The following CHODL variants were observed in gnomAD, a reference collection of about 807,000 sequenced individuals.
CHODL encodes chondrolectin, also known as transmembrane protein MT75.
CHODL carries 29 observed loss-of-function variants against 34.5 expected under a neutral mutation model. The observed-to-expected ratio is 0.84, with a 90% CI of 0.63 to 1.15. CHODL has a LOEUF of 1.15. Ranked by LOEUF, CHODL falls within the 50% of genes most tolerant of loss-of-function variation. The pLI is 0.00. For synonymous variants in CHODL, 125 were observed against 116.1 expected, an observed-to-expected ratio of 1.08 and a Z score of -0.49; for missense variants, 332 against 332.5, an observed-to-expected ratio of 1.00 and a Z score of 0.01.
At chr21:18,259,123 T>C (rs1400043882) in intron 3 of CHODL, among the ~76,000 whole-genome samples, 10 of 152,262 alleles carry the variant, frequency 6.6e-5, no homozygotes, top group Non-Finnish European at 1.2e-4. Flanking sequence ...AATGTAAGAA[T>C]GGTAAACATT....
intron 2 of CHODL, among the ~76,000 whole-genome samples, chr21:18,127,274 G>T (rs2065558252): frequency 6.6e-6 from 1 of 152,078 alleles, no homozygotes; most frequent in Non-Finnish European, 1.5e-5. Context: ...GAATTGTGTG[G>T]CTTTTAATCA....
intron 2 of CHODL, among the ~76,000 whole-genome samples, chr21:18,091,430 A>T: frequency 6.6e-6 from 1 of 152,202 alleles, no homozygotes; most frequent in East Asian, 1.9e-4. Flanking sequence ...CAGGCAGTAC[A>T]GCTTATAGCA....
At chr21:18,195,554 T>C (rs1316906993) in intron 2 of CHODL, among the ~76,000 whole-genome samples, 1 of 152,192 alleles carries the variant, frequency 6.6e-6, no homozygotes, top group Non-Finnish European at 1.5e-5. Flanking sequence ...ATTGGGATCA[T>C]GTGGTATTTG....
chr21:18,114,089 C>A (rs1388008627), intron 2 of CHODL, among the ~76,000 whole-genome samples: 1 of 152,022 alleles, frequency 6.6e-6, no homozygotes, highest in East Asian at 1.9e-4. Flanking sequence ...ATCTAAAAAT[C>A]AAAGGAATTT....
chr21:18,223,811 A>G, intron 2 of CHODL, among the ~76,000 whole-genome samples: 1 of 152,168 alleles, frequency 6.6e-6, no homozygotes, highest in East Asian at 1.9e-4. Flanking sequence ...ACTCGAACCA[A>G]CGTTGACTAA....
Position 18,257,826 on chromosome 21 carries a change from T to C in CHODL, c.547+699T>C, listed in dbSNP as rs544823824. Among the ~76,000 whole-genome samples the C allele has an allele frequency of 6.6e-5, 10 of 152,320 alleles. No homozygotes were observed. The South Asian group carries it at 1.7e-3, about 25-fold the overall frequency. On this transcript the variant is annotated intron_variant, in intron 3 of 5. Coordinates refer to ENST00000299295, the MANE Select transcript of CHODL (RefSeq NM_024944.3). ...AAAAAATAGTCCATTTGAATTACTTTAACTAGGACGGATCGTCTGAATTCA... is the reference window on the plus strand; with the variant it reads ...AAAAAATAGTCCATTTGAATTACTTCAACTAGGACGGATCGTCTGAATTCA...
Position 17,918,348 on chromosome 21 carries a change from C to T in CHODL, c.-145+948C>T, listed in dbSNP as rs567399049. On this transcript the variant is annotated intron_variant, in intron 1 of 6. Coordinates refer to the CHODL transcript ENST00000400127. The stretch of plus-strand genomic sequence containing the variant: ...ACTGCTGATAAAGACATGTGTGAGA[C>T]TGGCCAATTTACAAAAGAAAGAGAT... Among the ~76,000 whole-genome samples the T allele has an allele frequency of 8.5e-5, 13 of 152,056 alleles. 1 individual carries two copies. Among genetic ancestry groups the T allele is most frequent in the African/African-American group, 2.9e-4 (12 of 41,384 alleles).
At chr21:18,200,888 G>A (rs2073643368) in intron 2 of CHODL, among the ~76,000 whole-genome samples, 1 of 152,166 alleles carries the variant, frequency 6.6e-6, no homozygotes, top group Admixed American at 6.5e-5. Context: ...GCAGATACAA[G>A]TTAGGGAACT....
intron 1 of CHODL, among the ~76,000 whole-genome samples, chr21:17,938,766 C>T (rs1464527263): frequency 6.6e-6 from 1 of 152,018 alleles, no homozygotes; most frequent in African/African-American, 2.4e-5. Flanking sequence ...GTGTGAGCCA[C>T]GGCGCCCGGC....
intron 2 of CHODL, among the ~76,000 whole-genome samples, chr21:18,174,637 G>T (rs1478191925): frequency 6.6e-6 from 1 of 152,054 alleles, no homozygotes; most frequent in Admixed American, 6.5e-5. Context: ...TGATTAAATT[G>T]ATTTTTTTTA....
At chr21:18,151,581 GA>G (rs2072969866) in intron 2 of CHODL, among the ~76,000 whole-genome samples, 1 of 152,194 alleles carries the variant, frequency 6.6e-6, no homozygotes. Flanking sequence ...CGGGTCATGA[GA>G]ACTCCAGTTT....
chr21:17,926,103 C>T (rs2063220191), intron 1 of CHODL, among the ~76,000 whole-genome samples: 1 of 152,188 alleles, frequency 6.6e-6, no homozygotes, highest in South Asian at 2.1e-4. Context: ...CAAAACCGCA[C>T]TGCTCAGTTC....
chr21:18,198,055 T>A (rs2073609201), intron 2 of CHODL, among the ~76,000 whole-genome samples: 1 of 152,222 alleles, frequency 6.6e-6, no homozygotes, highest in Non-Finnish European at 1.5e-5. Context: ...TTATTATTTA[T>A]TTGAAAATAG....
intron 1 of CHODL, among the ~76,000 whole-genome samples, chr21:18,248,709 A>AATATATACATATATATGTATATAAT (rs1288847065): frequency 3.4e-5 from 4 of 118,082 alleles, no homozygotes; most frequent in African/African-American, 1.5e-4. Context: ...ATATGTATAT[A>AATATATACATATATATGTATATAAT]ATATATACAT....
intron 2 of CHODL, among the ~76,000 whole-genome samples, chr21:18,081,177 A>G (rs564279229): frequency 1.6e-4 from 24 of 152,292 alleles, no homozygotes; most frequent in African/African-American, 5.5e-4. Context: ...ATTTCTGTAC[A>G]TAGTTTCATG....
intron 2 of CHODL, among the ~76,000 whole-genome samples, chr21:18,192,541 A>T (rs1180857795): frequency 6.6e-6 from 1 of 152,208 alleles, no homozygotes; most frequent in Non-Finnish European, 1.5e-5. Context: ...ATATAGCTTA[A>T]TTCAAAAAGT....
At chr21:18,085,399 CTA>C (rs2064993858) in intron 2 of CHODL, among the ~76,000 whole-genome samples, 1 of 152,010 alleles carries the variant, frequency 6.6e-6, no homozygotes, top group Non-Finnish European at 1.5e-5. Flanking sequence ...TGATGAAATT[CTA>C]TCTTATTGAC....
At chr21:17,959,629 T>A (rs2063517626) in intron 1 of CHODL, among the ~76,000 whole-genome samples, 1 of 152,208 alleles carries the variant, frequency 6.6e-6, no homozygotes. Context: ...ACTGTTGTTA[T>A]AAGGAATACA....
In CHODL at chr21:18,115,950, A is replaced by AT. The variant is rs1184074120; in HGVS notation, c.-45+87990dup. Reference sequence around the variant, plus strand: ...CAGTGGACACGTTCAGTGGCATTGGATTTTTTTTTTTAATTACTGCCTTTT... The same window carrying AT: ...CAGTGGACACGTTCAGTGGCATTGGATTTTTTTTTTTTAATTACTGCCTTTT... On this transcript the variant is annotated intron_variant, in intron 2 of 6. Transcript: ENST00000400127. Among the ~76,000 whole-genome samples the AT allele has an allele frequency of 5.9e-3, 871 of 147,964 alleles. 5 individuals are homozygous for AT. Among genetic ancestry groups the AT allele is most frequent in the African/African-American group, 0.016 (666 of 40,438 alleles).
Sources: allele counts gnomAD v4.1 joint callset (sites outside exome capture counted in the v4.1 genomes callset), GRCh38; gene constraint gnomAD v4.1.1; transcripts MANE v1.5; gene names NCBI Gene and HGNC (gene_info 2026-07-23, HGNC 2026-07-21).